The following AKNA variants were observed in gnomAD, a reference collection of about 807,000 sequenced individuals.
AKNA encodes the protein AT-hook transcription factor, also known as microtubule organization protein AKNA.
A neutral mutation model predicts 138.8 loss-of-function variants in AKNA; 67 were observed. That is an observed-to-expected ratio of 0.48 (90% CI 0.40 to 0.59). AKNA has a LOEUF of 0.59. AKNA is among the 20% of genes least tolerant of loss of function. AKNA has a pLI of 0.00. For synonymous variants in AKNA, 737 were observed against 754.4 expected (o/e 0.98, Z 0.38); for missense variants, 1,813 against 1,880.4 (o/e 0.96, Z 0.66).
At chr9:114,368,311 TG>T in intron 5 of AKNA, 127 bp downstream of exon 5, 1 of 1,076,414 alleles carries the variant, frequency 9.3e-7, no homozygotes, top group Non-Finnish European at 1.2e-6. Flanking sequence ...GTGCCCAGGG[TG>T]GGGCCTTGCC....
At chr9:114,338,736 GACCACAGTTAGCA>G in intron 21 of AKNA, among the ~76,000 whole-genome samples, 1 of 152,244 alleles carries the variant, frequency 6.6e-6, no homozygotes, top group South Asian at 2.1e-4. Context: ...CACCTAAAAC[GACCACAGTTAGCA>G]ACCTCTCAGC....
At chr9:114,386,389 G>A (rs989909912) in intron 1 of AKNA, among the ~76,000 whole-genome samples, 6 of 152,156 alleles carry the variant, frequency 3.9e-5, no homozygotes, top group African/African-American at 1.2e-4. Context: ...GGAACAGCAC[G>A]GAGGCAAAGG....
chr9:114,351,598 C>T (rs993488495), intron 14 of AKNA, among the ~76,000 whole-genome samples: 18 of 151,246 alleles, frequency 1.2e-4, no homozygotes, highest in South Asian at 4.2e-4. Flanking sequence ...GGATTGCTTG[C>T]GCCCAGAAGT....
At chr9:114,348,889 G>A (rs1274845021) in intron 15 of AKNA, 1 of 456,320 alleles carries the variant, frequency 2.2e-6, no homozygotes, top group Non-Finnish European at 4.4e-6. Context: ...GTTCTTGCCT[G>A]GTGGCCCCTG....
chr9:114,335,332 C>T lies in AKNA; in HGVS notation c.*1722G>A, dbSNP rs1200825339. 4 of 152,210 alleles carry T rather than the reference C, an allele frequency of 2.6e-5. No individual in the cohort carries two copies. The highest frequency in any genetic ancestry group is 9.7e-5 in the African/African-American group (4 of 41,422). The allele number at this position is 152,210 out of a possible 1,614,324, so 9.4% of individuals were successfully genotyped here. The stretch of plus-strand genomic sequence containing the variant: ...TTTGGGCAGATGGCCCATTGGAACC[C>T]CACTCTCCTCATCAGTAAAAGGGGG... On this transcript the variant is annotated 3_prime_UTR_variant, in exon 22 of 22. Coordinates refer to ENST00000374088, the MANE Select transcript of AKNA (RefSeq NM_001317950.2).
At chr9:114,348,547 G>A (rs369366518) in intron 15 of AKNA, among the ~76,000 whole-genome samples, 4 of 152,208 alleles carry the variant, frequency 2.6e-5, no homozygotes, top group Admixed American at 6.5e-5. Flanking sequence ...CACCTGAACC[G>A]GGAGGGCTGA....
At chr9:114,387,205 A>G (rs1381556582) in intron 1 of AKNA, among the ~76,000 whole-genome samples, 3 of 152,148 alleles carry the variant, frequency 2.0e-5, no homozygotes. Context: ...CAGGGCACAG[A>G]CTTGCTGTTC....
At chr9:114,369,663 C>G (rs777404635) in intron 4 of AKNA, among the ~76,000 whole-genome samples, 1 of 151,228 alleles carries the variant, frequency 6.6e-6, no homozygotes, top group Non-Finnish European at 1.5e-5. Flanking sequence ...CCACTACCAT[C>G]ATTAGCATCA....
In AKNA at chr9:114,364,635, G is replaced by A. The variant is rs1832209491; in HGVS notation, c.1729-16C>T. 6.8e-6 allele frequency: 11 copies of A among 1,613,508 alleles called. No individual in the cohort carries two copies. Among genetic ancestry groups the A allele is most frequent in the Non-Finnish European group, 9.3e-6 (11 of 1,179,706 alleles). Reference sequence around the variant, plus strand: ...AGGACTCCACCTGGACATTGGGAGGGGAAGGAAATATGCTCCATTAATCCA... The same window carrying A: ...AGGACTCCACCTGGACATTGGGAGGAGAAGGAAATATGCTCCATTAATCCA... On this transcript the variant is annotated splice_polypyrimidine_tract_variant and intron_variant, in intron 6 of 21. Transcript: ENST00000374088.
intron 6 of AKNA, among the ~76,000 whole-genome samples, chr9:114,366,751 G>GAGGGA (rs1397721732): frequency 1.3e-5 from 2 of 151,400 alleles, no homozygotes; most frequent in East Asian, 3.9e-4. Flanking sequence ...GAGAGGAGAG[G>GAGGGA]AGGGAAGGGA....
In AKNA at chr9:114,362,863, TCTCA is replaced by T. The variant is rs1033303731; in HGVS notation, c.1789-334_1789-331del. Among the ~76,000 whole-genome samples, 10 of 144,526 alleles carry T rather than the reference TCTCA, an allele frequency of 6.9e-5. No homozygotes were observed. The East Asian group carries it at 7.8e-4, about 11-fold the overall frequency. 94.8% of individuals were successfully genotyped at this position (144,526 alleles called of 152,430 possible). ...ATAGCTGTCACAGTGTCAAATACACTCTCACTATTATCTCCATAAGGACCCTTTA... is the reference window on the plus strand; with the variant it reads ...ATAGCTGTCACAGTGTCAAATACACTCTATTATCTCCATAAGGACCCTTTA... On this transcript the variant is annotated intron_variant, in intron 7 of 21. Transcript: ENST00000374088.
rs147250707 is a variant in AKNA, at chr9:114,385,020, T to G, written c.-114+2840A>C. Reference sequence around the variant, plus strand: ...ATGCGCCACCATGCCTGGCTAATTTTAAAAATTTTTTTTTGTCGAGATGGG... The same window carrying G: ...ATGCGCCACCATGCCTGGCTAATTTGAAAAATTTTTTTTTGTCGAGATGGG... On this transcript the variant is annotated intron_variant, in intron 1 of 21. Transcript: ENST00000374088. Among the ~76,000 whole-genome samples, 613 of 152,178 alleles carry G rather than the reference T, an allele frequency of 4.0e-3. 8 individuals are homozygous for G. The highest frequency in any genetic ancestry group is 0.028 in the Admixed American group (427 of 15,282).
chr9:114,368,458 G>A lies in AKNA; in HGVS notation c.1554C>T (p.Pro518=). The A allele has an allele frequency of 7.5e-7, 1 of 1,330,482 alleles. No homozygotes were observed. The highest frequency in any genetic ancestry group is 2.8e-5 in the East Asian group (1 of 35,818). The allele number at this position is 1,330,482 out of a possible 1,614,324, so 82.4% of individuals were successfully genotyped here. ...ACTCACCTGAGGCCGCAGAGGCCTG[G>A]GGGTCCTCGGCCGGGCCCGGCCACC... ...AEWWPGPAED[P]QASAASGWPS... Residue 518 remains proline (P), a synonymous_variant, in exon 5 of 22, where the codon CCC becomes CCT. Transcript: ENST00000374088.
chr9:114,345,900 T>C lies in AKNA; in HGVS notation c.3624A>G (p.Gly1208=). 2.5e-6 allele frequency: 4 copies of C among 1,614,074 alleles called. No individual in the cohort carries two copies. The highest frequency in any genetic ancestry group is 3.4e-6 in the Non-Finnish European group (4 of 1,180,004). ...RDGKRGVGSA[G]WPDRVTFRGQ... is the part of the protein sequence containing the mutation. Reference sequence around the variant, plus strand: ...CCCGGAAGGTGACCCTGTCTGGCCATCCAGCACTGCCCACCCCTCTCTTTC... The same window carrying C: ...CCCGGAAGGTGACCCTGTCTGGCCACCCAGCACTGCCCACCCCTCTCTTTC... Residue 1208 remains glycine, a synonymous_variant, in exon 18 of 22, where the codon GGA becomes GGG. Coordinates refer to ENST00000374088, the MANE Select transcript of AKNA (RefSeq NM_001317950.2).
intron 7 of AKNA, 96 bp from the exon 8 acceptor site, chr9:114,362,629 G>C: frequency 7.0e-7 from 1 of 1,435,242 alleles, no homozygotes; most frequent in Non-Finnish European, 9.2e-7. Context: ...GGGAGGCCAT[G>C]GGATGCACCT....
In AKNA at chr9:114,376,648, T is replaced by C. The variant is rs755470051; in HGVS notation, c.1159A>G (p.Lys387Glu). The C allele has an allele frequency of 1.2e-6, 2 of 1,614,016 alleles. No individual in the cohort carries two copies. The highest frequency in any genetic ancestry group is 2.2e-5 in the South Asian group (2 of 91,080). Residue 387 changes from lysine (K) to glutamate (E), a missense_variant, in exon 3 of 22, where the codon AAG (lysine) becomes GAG (glutamate). Physicochemically the swap from Lys to Glu is moderately conservative, Grantham distance 56. Transcript: ENST00000374088. ...AGGGGCCTGGCAGGGGCCTGAGGCT[T>C]CCTGTTGTGGCTTCTGGACTTGGGG... Reference protein sequence around the residue: ...RPPKSRSHNRKPQAPARPLIF... With the variant: ...RPPKSRSHNREPQAPARPLIF...
chr9:114,358,791 T>C (rs573464657), intron 11 of AKNA, among the ~76,000 whole-genome samples: 1 of 123,840 alleles, frequency 8.1e-6, no homozygotes, highest in South Asian at 2.6e-4. Context: ...TGAAAACAAA[T>C]GGACACAGGA....
At chr9:114,390,187 G>A (rs1834280989), upstream of AKNA, among the ~76,000 whole-genome samples, 1 of 152,108 alleles carries the variant, frequency 6.6e-6, no homozygotes, top group Non-Finnish European at 1.5e-5. Context: ...AGAACCGCCT[G>A]CAGTGCAGTC....
chr9:114,369,013 C>A (rs1214561260), intron 4 of AKNA, among the ~76,000 whole-genome samples: 1 of 152,188 alleles, frequency 6.6e-6, no homozygotes. Flanking sequence ...TACCATATAA[C>A]ATATAATTAT....
Sources: gnomAD v4.1 joint callset for allele counts (sites outside exome capture counted in the v4.1 genomes callset) on GRCh38, gnomAD v4.1.1 for gene constraint, MANE v1.5 for transcripts, NCBI Gene and HGNC (gene_info 2026-07-23, HGNC 2026-07-21) for gene names.